Variants in RRP12 observed in about 807,000 individuals in gnomAD.
RRP12 encodes ribosomal RNA processing 12 homolog, also known as RRP12-like protein.
Under a neutral mutation model 157.3 loss-of-function variants are expected in RRP12, and 78 were observed. That is an observed-to-expected ratio of 0.50 (90% confidence interval 0.41 to 0.60). RRP12 has a LOEUF of 0.60. Ranked by LOEUF, RRP12 falls within the 20% of genes least tolerant of loss-of-function variation. The pLI is 0.00. For missense variants in RRP12, 1,521 were observed against 1,679.9 expected, an observed-to-expected ratio of 0.91 and a Z score of 1.65; for synonymous variants, 726 against 670.9, an observed-to-expected ratio of 1.08 and a Z score of -1.27.
chr10:97,388,141 G>C, intron 8 of RRP12, 111 bp downstream of exon 8: 6 of 1,436,316 alleles, frequency 4.2e-6, no homozygotes, highest in Non-Finnish European at 5.8e-6. Flanking sequence ...TTTAGCTTAA[G>C]AACACAGTCA....
In RRP12 at chr10:97,370,920, C is replaced by G; in HGVS notation, c.2502+3G>C. The G allele has an allele frequency of 6.2e-7, 1 of 1,614,058 alleles. No homozygotes were observed. Among genetic ancestry groups the G allele is most frequent in the Non-Finnish European group, 8.5e-7 (1 of 1,179,968 alleles). On this transcript the variant is annotated splice_donor_region_variant and intron_variant, in intron 21 of 33. Transcript: ENST00000370992. The stretch of plus-strand genomic sequence containing the variant: ...GCAGAGCGGGTGGCCCTAGAGCCCT[C>G]ACCCTCTTGGCGGGTGAGGAGGTGC...
intron 8 of RRP12, 37 bp from the exon 9 acceptor site, chr10:97,386,030 A>C: frequency 2.1e-6 from 3 of 1,429,788 alleles, no homozygotes; most frequent in South Asian, 1.2e-5. Flanking sequence ...AGGAACTACA[A>C]AGCCCACGGC....
Position 97,362,974 on chromosome 10 carries a change from A to G in RRP12, c.3567+880T>C, listed in dbSNP as rs1447594363. Reference sequence around the variant, plus strand: ...CACTTTACACGCCCAATCTTACCAAACTGTCCCAATGACTCCACCAGGTGG... The same window carrying G: ...CACTTTACACGCCCAATCTTACCAAGCTGTCCCAATGACTCCACCAGGTGG... On this transcript the variant is annotated intron_variant, in intron 30 of 33. Transcript: ENST00000370992. 2.6e-5 allele frequency among the ~76,000 whole-genome samples: 4 copies of G among 152,260 alleles called. No homozygotes were observed. In the East Asian group the frequency reaches 5.8e-4, roughly 22 times the overall value.
chr10:97,357,172 C>T lies in RRP12; in HGVS notation c.3816G>A (p.Gln1272=), dbSNP rs757319788. The T allele has an allele frequency of 1.9e-6, 3 of 1,612,172 alleles. No individual in the cohort carries two copies. The East Asian group carries it at 6.7e-5, about 36-fold the overall frequency. The change falls in exon 34 of 34, where the codon CAG becomes CAA. Residue 1272 remains glutamine (Q), a synonymous_variant. Coordinates refer to ENST00000370992, the MANE Select transcript of RRP12 (RefSeq NM_015179.4). ...GGGCAGCCTTCACCAGGCCTTTGAA[C>T]TGTCCCTGCAGCTTCATCTTCTTCC... ...NRRKKMKLQG[Q]FKGLVKAARR...
At position 97,388,294 on chromosome 10, in the gene RRP12, G is replaced by A. The variant is rs2133083736; in HGVS notation, c.975C>T (p.Ser325=). The A allele has an allele frequency of 6.2e-7, 1 of 1,614,094 alleles. No homozygotes were observed. Among genetic ancestry groups the A allele is most frequent in the East Asian group, 2.2e-5 (1 of 44,876 alleles). ...TGACCCTGAGGAGAGTCTCACTGCA[G>A]CTCTTCACCAGGCCTTCCGGGAAGC... The part of the protein sequence containing the change: ...LPCFPEGLVK[S]CSETLLRVMT... The change falls in exon 8 of 34, where the codon AGC becomes AGT. Residue 325 remains serine, a synonymous_variant. Transcript: ENST00000370992.
At chr10:97,374,913 T>C (rs1844263650) in intron 15 of RRP12, among the ~76,000 whole-genome samples, 2 of 152,288 alleles carry the variant, frequency 1.3e-5, no homozygotes, top group South Asian at 4.1e-4. Context: ...ACATGACTTT[T>C]TCATTTAATC....
chr10:97,371,667 G>A (rs776292976), intron 20 of RRP12: 19 of 194,028 alleles, frequency 9.8e-5, no homozygotes, highest in Non-Finnish European at 1.8e-4. Context: ...ATTTCAAGCT[G>A]AGGACCCAAA....
rs1022800122 is a variant in RRP12, at chr10:97,372,098, T to G, written c.2318A>C (p.Tyr773Ser). ...CADEAAISKL[Y>S]STIRPYLESK... The stretch of plus-strand genomic sequence containing the variant: ...CTCTAGGTAGGGCCGGATGGTGGAG[T>G]ATAGCTTACTGATGGCAGCTTCGTC... Residue 773 changes from tyrosine (Y) to serine (S), a missense_variant, in exon 20 of 34, where the codon TAC (tyrosine) becomes TCC (serine). Physicochemically the swap from Tyr to Ser is moderately radical, Grantham distance 144. Coordinates refer to ENST00000370992, the MANE Select transcript of RRP12 (RefSeq NM_015179.4). 3.7e-6 allele frequency: 6 copies of G among 1,612,802 alleles called. No individual in the cohort carries two copies. The highest frequency in any genetic ancestry group is 5.1e-6 in the Non-Finnish European group (6 of 1,179,502).
chr10:97,394,549 T>C (rs1844901362), intron 3 of RRP12, among the ~76,000 whole-genome samples: 1 of 151,974 alleles, frequency 6.6e-6, no homozygotes, highest in South Asian at 2.1e-4. Flanking sequence ...GCCACAAAGC[T>C]TGGCTAATTA....
intron 19 of RRP12, 89 bp from the exon 20 acceptor site, chr10:97,372,255 G>T: frequency 1.1e-6 from 1 of 947,950 alleles, no homozygotes; most frequent in Non-Finnish European, 1.6e-6. Flanking sequence ...GGTATGGGGA[G>T]GTGGGAGAAG....
At position 97,373,660 on chromosome 10, in the gene RRP12, C is replaced by T. The variant is rs1589421731; in HGVS notation, c.1941G>A (p.Leu647=). 6.2e-7 allele frequency: 1 copy of T among 1,613,948 alleles called. No homozygotes were observed. Among genetic ancestry groups the T allele is most frequent in the Non-Finnish European group, 8.5e-7 (1 of 1,179,938 alleles). ...CTGGACGCTCGCTGATGGCCATGCC[C>T]AGCGTCCGTGCCAGCCCTTTGAAGG... The part of the protein sequence containing the change: ...AISFKGLART[L]GMAISERPDL... Residue 647 remains leucine, a synonymous_variant, in exon 17 of 34, where the codon CTG becomes CTA. Transcript: ENST00000370992.
chr10:97,399,932 A>T (rs1438379878), intron 2 of RRP12, among the ~76,000 whole-genome samples: 25 of 145,320 alleles, frequency 1.7e-4, no homozygotes, highest in Non-Finnish European at 2.7e-4. Flanking sequence ...TAAATACATG[A>T]ATTAAGTTAA....
chr10:97,357,209 G>A lies in RRP12; in HGVS notation c.3792-13C>T. 3.3e-6 allele frequency: 5 copies of A among 1,538,102 alleles called. No homozygotes were observed. The highest frequency in any genetic ancestry group is 4.5e-6 in the Non-Finnish European group (5 of 1,115,122). The stretch of plus-strand genomic sequence containing the variant: ...CTTCATCTTCTTCCTGCAGGGCCAA[G>A]GAACGGAAGGGTCACATCTGGCTGA... On this transcript the variant is annotated splice_polypyrimidine_tract_variant and intron_variant, in intron 33 of 33. Coordinates refer to ENST00000370992, the MANE Select transcript of RRP12 (RefSeq NM_015179.4).
rs1589421959 is a variant in RRP12 at position 97,373,816 on chromosome 10, C to G, written c.1863+14G>C. 6.2e-7 allele frequency: 1 copy of G among 1,613,882 alleles called. No homozygotes were observed. Among genetic ancestry groups the G allele is most frequent in the East Asian group, 2.2e-5 (1 of 44,878 alleles). On this transcript the variant is annotated intron_variant, in intron 16 of 33. Transcript: ENST00000370992. ...GTGTGCTTCTCCCCACGCCCTCCCC[C>G]AGCTGACCCTTACCTGCCACTGGAG...
intron 18 of RRP12, 80 bp from the exon 19 acceptor site, chr10:97,372,883 C>A: frequency 1.4e-6 from 2 of 1,463,714 alleles, no homozygotes; most frequent in Admixed American, 2.0e-5. Context: ...AGTCCCAGAG[C>A]GGCCTCCCCA....
In RRP12 at chr10:97,379,283, T is replaced by C; in HGVS notation, c.1798+10A>G. The C allele has an allele frequency of 1.2e-6, 2 of 1,613,460 alleles. No homozygotes were observed. The highest frequency in any genetic ancestry group is 1.7e-5 in the Admixed American group (1 of 59,988). ...GCCTCAGGTCACACACAGGCAAGGG[T>C]CTCTCCTACCTTTGCTCTTCAGGGT... On this transcript the variant is annotated intron_variant, in intron 15 of 33. Transcript: ENST00000370992.
chr10:97,366,086 T>C lies in RRP12; in HGVS notation c.3517+22A>G, dbSNP rs370983920. ...GGAATAAGTGAACACGGTGAATGAATGGACAAGCGCGTTGGGCCCACCTTT... is the reference window on the plus strand; with the variant it reads ...GGAATAAGTGAACACGGTGAATGAACGGACAAGCGCGTTGGGCCCACCTTT... On this transcript the variant is annotated intron_variant, in intron 29 of 33. Coordinates refer to ENST00000370992, the MANE Select transcript of RRP12 (RefSeq NM_015179.4). 7 of 1,600,338 alleles carry C rather than the reference T, an allele frequency of 4.4e-6. No individual in the cohort carries two copies. In the African/African-American group the frequency reaches 9.4e-5, roughly 21 times the overall value.
At chr10:97,385,107 G>T in intron 10 of RRP12, 59 bp downstream of exon 10, 1 of 606,690 alleles carries the variant, frequency 1.6e-6, no homozygotes, top group Non-Finnish European at 2.3e-6. Flanking sequence ...CACAGGCCCT[G>T]AGCACCCCCA....
intron 5 of RRP12, 62 bp from the exon 6 acceptor site, chr10:97,390,601 G>A (rs1167681274): frequency 1.4e-6 from 2 of 1,428,586 alleles, no homozygotes; most frequent in East Asian, 2.3e-5. Context: ...AAGAGCCCAG[G>A]TTCTCACTGA....
Sources: gnomAD v4.1 joint callset for allele counts (sites outside exome capture counted in the v4.1 genomes callset) on GRCh38, gnomAD v4.1.1 for gene constraint, MANE v1.5 for transcripts, NCBI Gene and HGNC (gene_info 2026-07-23, HGNC 2026-07-21) for gene names.